The following PLK4 variants were observed in gnomAD, a reference collection of about 807,000 sequenced individuals.
The protein encoded by PLK4 is polo like kinase 4, also known as serine/threonine-protein kinase PLK4.
PLK4 carries 51 observed loss-of-function variants against 103.0 expected under a neutral mutation model. The observed-to-expected ratio is 0.50, with a 90% CI of 0.40 to 0.63. The LOEUF is 0.63. Ranked by LOEUF, PLK4 falls within the 20% of genes least tolerant of loss-of-function variation. PLK4 has a pLI of 0.00. For missense variants in PLK4, 1,054 were observed against 1,151.0 expected (o/e 0.92, Z 1.22); for synonymous variants, 389 against 376.8 (o/e 1.03, Z -0.38).
At chr4:127,892,904 A>G (rs749810111) in intron 10 of PLK4, among the ~76,000 whole-genome samples, 4 of 152,078 alleles carry the variant, frequency 2.6e-5, no homozygotes, top group Non-Finnish European at 5.9e-5. Context: ...TATTCTGTAA[A>G]GATGAATGTT....
At chr4:127,896,939 C>A in intron 15 of PLK4, 32 bp downstream of exon 15, 3 of 1,110,686 alleles carry the variant, frequency 2.7e-6, no homozygotes, top group South Asian at 1.3e-5. Flanking sequence ...CGAGATTCAG[C>A]CCTTTGCTAT....
chr4:127,898,748 A>G lies in PLK4; in HGVS notation c.*207A>G. On this transcript the variant is annotated 3_prime_UTR_variant, in exon 16 of 16. Transcript: ENST00000270861. Reference sequence around the variant, plus strand: ...AAATATAGTGGATATAAAATAGAACACCTGACTTTGCTCTTAGACCATAAC... The same window carrying G: ...AAATATAGTGGATATAAAATAGAACGCCTGACTTTGCTCTTAGACCATAAC... 2.4e-6 allele frequency: 1 copy of G among 425,520 alleles called. No homozygotes were observed. 26.4% of individuals were successfully genotyped at this position (425,520 alleles called of 1,614,324 possible). A position where few individuals can be genotyped will look rare whatever the true frequency, so the allele number is the denominator to read the frequency against.
intron 4 of PLK4, among the ~76,000 whole-genome samples, chr4:127,885,355 T>C (rs1466600660): frequency 2.0e-5 from 3 of 151,304 alleles, no homozygotes; most frequent in Non-Finnish European, 4.4e-5. Flanking sequence ...GGCGGGCGCC[T>C]GTAGTCCCAG....
chr4:127,886,932 A>C (rs1735160220), intron 5 of PLK4, among the ~76,000 whole-genome samples: 1 of 152,062 alleles, frequency 6.6e-6, no homozygotes, highest in East Asian at 1.9e-4. Context: ...AATATTTGGA[A>C]ATTTTTAGCC....
chr4:127,889,462 C>T (rs534611911), intron 6 of PLK4, among the ~76,000 whole-genome samples: 91 of 152,176 alleles, frequency 6.0e-4, no homozygotes, highest in African/African-American at 2.2e-3. Context: ...CAGTTCTTAG[C>T]TTAAAGAGAG....
Position 127,893,323 on chromosome 4 carries a change from A to G in PLK4, c.2227A>G (p.Ile743Val), listed in dbSNP as rs1327148585. The G allele has an allele frequency of 6.3e-7, 1 of 1,598,314 alleles. No homozygotes were observed. Among genetic ancestry groups the G allele is most frequent in the Non-Finnish European group, 8.5e-7 (1 of 1,169,650 alleles). ...CAAAACAGAAGATTTCATTCAGGTG[A>G]TTGAAAAGACAGGGAAGTCTTACAC... Reference protein sequence around the residue: ...IHKTEDFIQVIEKTGKSYTLK... With the variant: ...IHKTEDFIQVVEKTGKSYTLK... The change falls in exon 11 of 16, where the codon ATT (isoleucine) becomes GTT (valine). Residue 743 changes from isoleucine (I) to valine (V), a missense_variant. Transcript: ENST00000270861.
chr4:127,898,271 CTG>C (rs1309726191), intron 15 of PLK4, among the ~76,000 whole-genome samples, 166 bp from the exon 16 acceptor site: 2 of 152,132 alleles, frequency 1.3e-5, no homozygotes, highest in Non-Finnish European at 1.5e-5. Flanking sequence ...AGAAAAGAAA[CTG>C]TATGCTTCAC....
intron 1 of PLK4, 88 bp downstream of exon 1, chr4:127,881,252 C>CT: frequency 6.3e-7 from 1 of 1,598,940 alleles, no homozygotes; most frequent in Admixed American, 1.8e-5. Context: ...GCGAACGAAG[C>CT]TAACGGCTGC....
In PLK4 at chr4:127,889,017, CTTATAT is replaced by C. The variant is rs1324205475; in HGVS notation, c.1460-845_1460-840del. Reference sequence around the variant, plus strand: ...TGCACATCTGTTGTGTTTACAGATACTTATATTTAGTAACACAGACTTGTCTGAGAT... The same window carrying C: ...TGCACATCTGTTGTGTTTACAGATACTTAGTAACACAGACTTGTCTGAGAT... On this transcript the variant is annotated intron_variant, in intron 6 of 15. Coordinates refer to ENST00000270861, the MANE Select transcript of PLK4 (RefSeq NM_014264.5). Among the ~76,000 whole-genome samples, 5 of 151,954 alleles carry C rather than the reference CTTATAT, an allele frequency of 3.3e-5. 1 individual carries two copies. Among genetic ancestry groups the C allele is most frequent in the Admixed American group, 1.3e-4 (2 of 15,246 alleles).
chr4:127,890,321 A>G, intron 7 of PLK4, 85 bp downstream of exon 7: 2 of 1,098,060 alleles, frequency 1.8e-6, no homozygotes, highest in Non-Finnish European at 2.6e-6. Flanking sequence ...GTCCTCTGTA[A>G]TGTCCTTTTA....
rs1735511523 is a variant in PLK4 at position 127,895,056 on chromosome 4, A to C, written c.2666A>C (p.Lys889Thr). 6.2e-7 allele frequency: 1 copy of C among 1,612,436 alleles called. No individual in the cohort carries two copies. Among genetic ancestry groups the C allele is most frequent in the Non-Finnish European group, 8.5e-7 (1 of 1,179,364 alleles). Residue 889 changes from lysine (K) to threonine (T), a missense_variant, in exon 14 of 16, where the codon AAA becomes ACA. This residue lies in a region of PLK4 where 167 missense variants were observed against 200.7 expected (regional missense o/e 0.83). Coordinates refer to ENST00000270861, the MANE Select transcript of PLK4 (RefSeq NM_014264.5). The stretch of plus-strand genomic sequence containing the variant: ...CTTCCTAAATCAGCACAACTTTTGA[A>C]ATCTGTTTTTGTGAAAAATGTTGGT... ...DCLPKSAQLL[K>T]SVFVKNVGWA...
chr4:127,889,729 T>A, intron 6 of PLK4, 137 bp from the exon 7 acceptor site: 1 of 614,228 alleles, frequency 1.6e-6, no homozygotes, highest in South Asian at 2.6e-5. Context: ...TAGAAAATTA[T>A]GAGCTCTTAT....
chr4:127,881,201 G>C, intron 1 of PLK4, 37 bp downstream of exon 1: 1 of 1,613,458 alleles, frequency 6.2e-7, no homozygotes, highest in Non-Finnish European at 8.5e-7. Flanking sequence ...GGGCGGGTGG[G>C]AGTAATTGTG....
At chr4:127,881,293 C>G in intron 1 of PLK4, 129 bp downstream of exon 1, 1 of 1,547,458 alleles carries the variant, frequency 6.5e-7, no homozygotes, top group Non-Finnish European at 8.7e-7. Flanking sequence ...TAGGGAGGGT[C>G]CCAACGGCCC....
chr4:127,890,332 CT>C, intron 7 of PLK4, 96 bp downstream of exon 7: 1 of 958,290 alleles, frequency 1.0e-6, no homozygotes, highest in South Asian at 1.9e-5. Context: ...TGTCCTTTTA[CT>C]TTGGGGTGTA....
chr4:127,895,452 CTTTTTT>C (rs70966059), intron 14 of PLK4, among the ~76,000 whole-genome samples: 8 of 65,202 alleles, frequency 1.2e-4, no homozygotes, highest in East Asian at 1.1e-3. Context: ...GAGTAACTTT[CTTTTTT>C]TTTTTTTTTT....
At position 127,889,968 on chromosome 4, in the gene PLK4, A is replaced by T; in HGVS notation, c.1562A>T (p.Asp521Val). 6.2e-7 allele frequency: 1 copy of T among 1,614,090 alleles called. No individual in the cohort carries two copies. Among genetic ancestry groups the T allele is most frequent in the Non-Finnish European group, 8.5e-7 (1 of 1,179,942 alleles). ...GACACATCAAAAAATGCCTGGACTG[A>T]TACAAAAGTCAAAAAGAACTCTGAT... The part of the protein sequence containing the change: ...QKDTSKNAWT[D>V]TKVKKNSDAS... Residue 521 changes from aspartate to valine, a missense_variant, in exon 7 of 16, where the codon GAT becomes GTT. Transcript: ENST00000270861.
chr4:127,882,650 T>C (rs1470683367), intron 2 of PLK4, among the ~76,000 whole-genome samples: 1 of 152,114 alleles, frequency 6.6e-6, no homozygotes, highest in African/African-American at 2.4e-5. Context: ...TCCCAGCTAC[T>C]CTGAAGGCTG....
At chr4:127,881,342 A>G in intron 1 of PLK4, 178 bp downstream of exon 1, 3 of 1,458,506 alleles carry the variant, frequency 2.1e-6, no homozygotes, top group Non-Finnish European at 1.8e-6. Flanking sequence ...CCCGCCCCTC[A>G]AGAGACAAGA....
Sources: gnomAD v4.1 joint callset for allele counts (sites outside exome capture counted in the v4.1 genomes callset) on GRCh38, gnomAD v4.1.1 for gene constraint, gnomAD v4.1.1 regional missense constraint, MANE v1.5 for transcripts, NCBI Gene and HGNC (gene_info 2026-07-23, HGNC 2026-07-21) for gene names.